DLC1: variants seen among roughly 807,000 people sequenced by gnomAD.
DLC1 encodes the protein DLC1 Rho GTPase activating protein.
DLC1 carries 54 observed loss-of-function variants against 140.3 expected under a neutral mutation model. That is an observed-to-expected ratio of 0.38 (90% CI 0.31 to 0.48). DLC1 has a LOEUF of 0.48. Ranked by LOEUF, DLC1 falls within the 20% of genes least tolerant of loss-of-function variation. DLC1 has a pLI of 0.96. For synonymous variants in DLC1, 986 were observed against 728.1 expected (o/e 1.35, Z -5.70); for missense variants, 2,536 against 1,907.0 (o/e 1.33, Z -6.14).
chr8:13,242,760 A>C (rs1327131973), intron 5 of DLC1, among the ~76,000 whole-genome samples: 1 of 152,112 alleles, frequency 6.6e-6, no homozygotes, highest in Non-Finnish European at 1.5e-5. Flanking sequence ...GTGATGATTC[A>C]ATGTGTGTGT....
intron 6 of DLC1, among the ~76,000 whole-genome samples, chr8:13,113,391 C>G (rs1375215959): frequency 6.6e-6 from 1 of 152,114 alleles, no homozygotes; most frequent in Non-Finnish European, 1.5e-5. Flanking sequence ...CAGTGTACCC[C>G]AAAAGTAGTC....
intron 2 of DLC1, among the ~76,000 whole-genome samples, chr8:13,476,572 G>T (rs1260893184): frequency 6.6e-6 from 1 of 151,864 alleles, no homozygotes; most frequent in Non-Finnish European, 1.5e-5. Context: ...GCAGGATGTG[G>T]AAACAACAGA....
At chr8:13,290,498 T>C (rs1466796164) in intron 5 of DLC1, among the ~76,000 whole-genome samples, 1 of 152,176 alleles carries the variant, frequency 6.6e-6, no homozygotes. Context: ...TCTTTCAATT[T>C]CTTAATTTTT....
At position 13,340,274 on chromosome 8, in the gene DLC1, C is replaced by G. The variant is rs148782673; in HGVS notation, c.1315-34972G>C. The G allele has an allele frequency of 4.7e-4, 72 of 152,346 alleles. 1 individual carries two copies. The East Asian group carries it at 0.013, about 28-fold the overall frequency. The allele number at this position is 152,346 out of a possible 1,614,324, so 9.4% of individuals were successfully genotyped here. A position where few individuals can be genotyped will look rare whatever the true frequency, so the allele number is the denominator to read the frequency against. The stretch of plus-strand genomic sequence containing the variant: ...GGAGTGCAGGGGAACCATCTTGGCT[C>G]AATGCAACCTCTGCCTCCCGGATTC... On this transcript the variant is annotated intron_variant, in intron 4 of 17. Coordinates refer to ENST00000276297, the MANE Select transcript of DLC1 (RefSeq NM_182643.3).
chr8:13,494,926 G>A (rs562251618), intron 2 of DLC1, among the ~76,000 whole-genome samples: 5 of 152,234 alleles, frequency 3.3e-5, no homozygotes, highest in Admixed American at 3.3e-4. Flanking sequence ...ACTCCAGCCT[G>A]GGTAAGGAAG....
rs553011484 is a variant in DLC1 at position 13,231,192 on chromosome 8, A to G, written c.1348+74077T>C. On this transcript the variant is annotated intron_variant, in intron 5 of 17. Transcript: ENST00000276297. ...TTCTTAGTTTTATTTCTAGGCCTCA[A>G]TGCCTTTTAAATCCTGACAGGAAGA... 8.5e-5 allele frequency among the ~76,000 whole-genome samples: 13 copies of G among 152,146 alleles called. No individual in the cohort carries two copies. The South Asian group carries it at 2.3e-3, about 27-fold the overall frequency.
At chr8:13,133,108 C>T (rs1360223794) in intron 5 of DLC1, 10 of 1,480,158 alleles carry the variant, frequency 6.8e-6, no homozygotes, top group Non-Finnish European at 8.1e-6. Context: ...CGCATCCTTG[C>T]TCGCCGCTCC....
chr8:13,376,317 T>C (rs1835982794), intron 4 of DLC1, among the ~76,000 whole-genome samples: 1 of 152,166 alleles, frequency 6.6e-6, no homozygotes, highest in Non-Finnish European at 1.5e-5. Flanking sequence ...GTGAAATAAG[T>C]CCAAACGGGA....
chr8:13,318,993 A>T (rs1176662432), intron 4 of DLC1, among the ~76,000 whole-genome samples: 1 of 152,142 alleles, frequency 6.6e-6, no homozygotes, highest in African/African-American at 2.4e-5. Flanking sequence ...AGTGAGGTTA[A>T]CTCCAAAGCT....
rs75464306 is a variant in DLC1, at chr8:13,568,082, C to T, written c.-126+36455G>A. 971 of 1,041,460 alleles carry T rather than the reference C, an allele frequency of 9.3e-4. 11 individuals carry two copies. In the East Asian group the frequency reaches 0.018, roughly 19 times the overall value. The allele number at this position is 1,041,460 out of a possible 1,614,324, so 64.5% of individuals were successfully genotyped here. On this transcript the variant is annotated intron_variant, in intron 1 of 1. Coordinates refer to the DLC1 transcript ENST00000631382. The stretch of plus-strand genomic sequence containing the variant: ...ACTAAGAACTTTCACTTTTTTTTTC[C>T]TATTATAGAAGGCACTGTTGTAGTT...
At chr8:13,173,269 T>G (rs182604077) in intron 5 of DLC1, among the ~76,000 whole-genome samples, 2 of 152,270 alleles carry the variant, frequency 1.3e-5, no homozygotes, top group Admixed American at 1.3e-4. Context: ...GGTGGGAATT[T>G]AAGCTTTCTA....
intron 5 of DLC1, among the ~76,000 whole-genome samples, chr8:13,277,260 T>G (rs989526963): frequency 2.0e-4 from 30 of 152,156 alleles, no homozygotes; most frequent in African/African-American, 7.0e-4. Context: ...TGCAGTGACC[T>G]GTGGTCACCC....
chr8:13,366,154 A>C (rs1225178276), intron 4 of DLC1, among the ~76,000 whole-genome samples: 1 of 152,186 alleles, frequency 6.6e-6, no homozygotes, highest in Non-Finnish European at 1.5e-5. Flanking sequence ...GCTGTTTAAC[A>C]CTGGGTTCCT....
intron 5 of DLC1, among the ~76,000 whole-genome samples, chr8:13,171,760 C>G (rs1350552236): frequency 1.3e-5 from 2 of 152,150 alleles, no homozygotes; most frequent in South Asian, 4.1e-4. Context: ...CATATAACAT[C>G]TAATCAAGGC....
intron 1 of DLC1, among the ~76,000 whole-genome samples, chr8:13,582,781 A>G (rs1805154000): frequency 6.7e-6 from 1 of 150,278 alleles, no homozygotes; most frequent in Non-Finnish European, 1.5e-5. Flanking sequence ...TCGGTTCTAT[A>G]ATACTTCAGT....
chr8:13,104,962 T>C (rs1819433762), intron 7 of DLC1, among the ~76,000 whole-genome samples: 1 of 152,208 alleles, frequency 6.6e-6, no homozygotes, highest in Non-Finnish European at 1.5e-5. Flanking sequence ...AGTTCTCAAA[T>C]GCTTTCAAGA....
At chr8:13,600,289 A>G (rs1421945129) in intron 1 of DLC1, among the ~76,000 whole-genome samples, 2 of 151,902 alleles carry the variant, frequency 1.3e-5, no homozygotes, top group East Asian at 1.9e-4. Flanking sequence ...ATAGAATTCA[A>G]CGATCAAAAC....
intron 5 of DLC1, among the ~76,000 whole-genome samples, chr8:13,182,435 A>C (rs1461019331): frequency 6.6e-6 from 1 of 152,118 alleles, no homozygotes; most frequent in Non-Finnish European, 1.5e-5. Flanking sequence ...GTTTTCATCT[A>C]GGGTTTTTAT....
chr8:13,409,759 A>C (rs140395884), intron 2 of DLC1, among the ~76,000 whole-genome samples: 1 of 152,136 alleles, frequency 6.6e-6, no homozygotes, highest in African/African-American at 2.4e-5. Context: ...TTGTCTCTTT[A>C]TGTTTAATTT....
Sources: allele counts gnomAD v4.1 joint callset (sites outside exome capture counted in the v4.1 genomes callset), GRCh38; gene constraint gnomAD v4.1.1; transcripts MANE v1.5; gene names NCBI Gene and HGNC (gene_info 2026-07-23, HGNC 2026-07-21).